SEM1: variants seen among roughly 807,000 people sequenced by gnomAD.
The protein encoded by SEM1 is 26S proteasome complex subunit SEM1.
A neutral mutation model predicts 12.7 loss-of-function variants in SEM1; 3 were observed. The observed-to-expected ratio is 0.24, with a 90% CI of 0.11 to 0.61. SEM1 has a LOEUF of 0.61. Among genes scored for constraint, SEM1 ranks in the 20% least tolerant of loss-of-function variants. The pLI is 0.88. For missense variants in SEM1, 59 were observed against 81.3 expected, an observed-to-expected ratio of 0.73 and a Z score of 1.06; for synonymous variants, 30 against 27.8, an observed-to-expected ratio of 1.08 and a Z score of -0.25.
At chr7:96,598,997 G>C (rs1195921165) in intron 2 of SEM1, among the ~76,000 whole-genome samples, 3 of 151,942 alleles carry the variant, frequency 2.0e-5, no homozygotes, top group African/African-American at 7.3e-5. Flanking sequence ...GAGGGAAGCT[G>C]TGCCAACAGA....
chr7:96,632,777 GTT>G (rs1437758372), intron 2 of SEM1, among the ~76,000 whole-genome samples: 1 of 99,048 alleles, frequency 1.0e-5, no homozygotes. Context: ...TTTTTTTGTT[GTT>G]TTTTGTTTTT....
intron 2 of SEM1, among the ~76,000 whole-genome samples, chr7:96,633,676 C>T (rs927693081): frequency 3.3e-5 from 5 of 151,964 alleles, no homozygotes; most frequent in Admixed American, 1.3e-4. Flanking sequence ...CTATCTAAAA[C>T]CAGCATTTAA....
In SEM1 at chr7:96,603,915, A is replaced by G. The variant is rs79794888; in HGVS notation, c.170+90883T>C. Among the ~76,000 whole-genome samples the G allele has an allele frequency of 2.8e-3, 427 of 151,914 alleles. 1 individual carries two copies. Among genetic ancestry groups the G allele is most frequent in the African/African-American group, 9.9e-3 (410 of 41,420 alleles). On this transcript the variant is annotated intron_variant and NMD_transcript_variant, in intron 2 of 3. Transcript: ENST00000466986. ...TTTTTTTTTAATATGGAGACGCTTCAGGCCCAGCTACCATAAATTTTGTAT... is the reference window on the plus strand; with the variant it reads ...TTTTTTTTTAATATGGAGACGCTTCGGGCCCAGCTACCATAAATTTTGTAT...
chr7:96,675,066 G>A (rs1158958294), intron 2 of SEM1, among the ~76,000 whole-genome samples: 1 of 152,076 alleles, frequency 6.6e-6, no homozygotes, highest in Non-Finnish European at 1.5e-5. Flanking sequence ...GTTATTCATG[G>A]ACATGGCCAT....
intron 2 of SEM1, among the ~76,000 whole-genome samples, chr7:96,631,610 A>G (rs549038262): frequency 1.3e-5 from 2 of 152,272 alleles, no homozygotes; most frequent in South Asian, 4.1e-4. Context: ...CCTAGAAGAA[A>G]ACCTGGGCAA....
upstream of SEM1, among the ~76,000 whole-genome samples, chr7:96,498,263 A>G (rs1220917130): frequency 6.6e-6 from 1 of 152,206 alleles, no homozygotes; most frequent in Non-Finnish European, 1.5e-5. Flanking sequence ...GCAATAAAAT[A>G]TAATTTAGTC....
At chr7:96,596,440 T>G (rs1807001025) in intron 2 of SEM1, among the ~76,000 whole-genome samples, 1 of 152,188 alleles carries the variant, frequency 6.6e-6, no homozygotes, top group East Asian at 1.9e-4. Flanking sequence ...GGGCAGCTAC[T>G]TATTTGAACA....
chr7:96,700,941 G>A (rs897413702), intron 1 of SEM1, among the ~76,000 whole-genome samples: 3 of 151,750 alleles, frequency 2.0e-5, no homozygotes, highest in East Asian at 3.9e-4. Flanking sequence ...AAGTACTTGT[G>A]GAAAAACATT....
At chr7:96,656,000 C>T (rs1432816652) in intron 2 of SEM1, among the ~76,000 whole-genome samples, 3 of 152,188 alleles carry the variant, frequency 2.0e-5, no homozygotes, top group South Asian at 2.1e-4. Context: ...AGATTCTTCA[C>T]AGGATCTAAC....
intron 2 of SEM1, among the ~76,000 whole-genome samples, chr7:96,588,898 A>C (rs938788936): frequency 6.6e-6 from 1 of 152,272 alleles, no homozygotes; most frequent in Non-Finnish European, 1.5e-5. Flanking sequence ...TTTGCAGCAC[A>C]TGGGTATATG....
intron 1 of SEM1, among the ~76,000 whole-genome samples, chr7:96,705,673 A>T (rs966204311): frequency 1.3e-5 from 2 of 152,012 alleles, no homozygotes; most frequent in Non-Finnish European, 2.9e-5. Context: ...AAAAAAAATT[A>T]GCCGGGCGTG....
chr7:96,543,519 T>TA (rs1563053658), intron 2 of SEM1, among the ~76,000 whole-genome samples: 5 of 152,072 alleles, frequency 3.3e-5, no homozygotes, highest in South Asian at 2.1e-4. Flanking sequence ...TAAATATATA[T>TA]TTTTTAACAA....
At chr7:96,704,914 T>C (rs1376192773) in intron 1 of SEM1, among the ~76,000 whole-genome samples, 3 of 152,236 alleles carry the variant, frequency 2.0e-5, no homozygotes, top group Admixed American at 6.5e-5. Flanking sequence ...AGGGCAGTTC[T>C]TCCTCGTGCA....
At chr7:96,695,233 T>C (rs189176730) in intron 1 of SEM1, 8 of 174,902 alleles carry the variant, frequency 4.6e-5, no homozygotes, top group East Asian at 3.0e-4. Flanking sequence ...CTAAAGCAAG[T>C]TGAATGGCAG....
rs528011660 is a variant in SEM1 at position 96,580,092 on chromosome 7, T to G, written c.171-73394A>C. 4.6e-3 allele frequency among the ~76,000 whole-genome samples: 680 copies of G among 147,678 alleles called. 7 individuals are homozygous for G. The highest frequency in any genetic ancestry group is 0.016 in the African/African-American group (650 of 40,070). Reference sequence around the variant, plus strand: ...CACTAACTCGTCATCTAGCATTAGGTATATCTCCCAATGCTATCCCTCCCC... The same window carrying G: ...CACTAACTCGTCATCTAGCATTAGGGATATCTCCCAATGCTATCCCTCCCC... On this transcript the variant is annotated intron_variant and NMD_transcript_variant, in intron 2 of 3. Coordinates refer to the SEM1 transcript ENST00000466986.
intron 2 of SEM1, among the ~76,000 whole-genome samples, chr7:96,571,237 T>G (rs1444490125): frequency 6.6e-6 from 1 of 152,200 alleles, no homozygotes; most frequent in Non-Finnish European, 1.5e-5. Flanking sequence ...TTTTGGCTTT[T>G]GTTGCCATGC....
At chr7:96,622,727 A>G (rs1807935801) in intron 2 of SEM1, 1 of 716,354 alleles carries the variant, frequency 1.4e-6, no homozygotes, top group Non-Finnish European at 2.5e-6. Flanking sequence ...TGATCAGTGG[A>G]AAAGCCATGT....
At chr7:96,667,379 C>T (rs1233027092) in intron 2 of SEM1, among the ~76,000 whole-genome samples, 1 of 152,152 alleles carries the variant, frequency 6.6e-6, no homozygotes, top group Admixed American at 6.6e-5. Context: ...GTTAGCTGCC[C>T]TTGTCTCAGT....
intron 2 of SEM1, among the ~76,000 whole-genome samples, chr7:96,508,839 G>A (rs146029116): frequency 7.9e-5 from 12 of 152,170 alleles, no homozygotes; most frequent in African/African-American, 2.9e-4. Flanking sequence ...GAAGCCACAT[G>A]GAAAATCTGG....
Sources: allele counts gnomAD v4.1 joint callset (sites outside exome capture counted in the v4.1 genomes callset), GRCh38; gene constraint gnomAD v4.1.1; transcripts MANE v1.5; gene names NCBI Gene and HGNC (gene_info 2026-07-23, HGNC 2026-07-21).